SPTA1: variants seen among roughly 807,000 people sequenced by gnomAD.
SPTA1 encodes spectrin alpha chain, erythrocytic 1.
In SPTA1, 177 loss-of-function variants were observed where a neutral mutation model predicts 324.7. That is an observed-to-expected ratio of 0.55 (90% CI 0.48 to 0.62). The LOEUF is 0.62. SPTA1 is among the 20% of genes least tolerant of loss of function. The pLI is 0.00. For synonymous variants in SPTA1, 1,195 were observed against 1,041.3 expected (o/e 1.15, Z -2.84); for missense variants, 3,162 against 2,883.6 (o/e 1.10, Z -2.21).
intron 50 of SPTA1, 106 bp downstream of exon 50, chr1:158,613,615 A>C: frequency 6.5e-7 from 1 of 1,537,110 alleles, no homozygotes; most frequent in South Asian, 1.1e-5. Flanking sequence ...ATTTCTTCCT[A>C]TTTTCAGATG....
At chr1:158,641,637 G>A (rs555847111) in intron 33 of SPTA1, among the ~76,000 whole-genome samples, 14 of 152,258 alleles carry the variant, frequency 9.2e-5, no homozygotes, top group African/African-American at 2.4e-4. Flanking sequence ...TTAGAATGGT[G>A]ATCATTAAAA....
chr1:158,677,709 A>T lies in SPTA1; in HGVS notation c.938T>A (p.Leu313His), dbSNP rs1654487295. ...FHSHKGLERN[L>H]AVMSDKVKEL... ...CATTACCTTGTCACTCATGACAGCAAGATTTCTCTCAAGTCCCTTGTGACT... is the reference window on the plus strand; with the variant it reads ...CATTACCTTGTCACTCATGACAGCATGATTTCTCTCAAGTCCCTTGTGACT... The change falls in exon 7 of 52, where the codon CTT (leucine) becomes CAT (histidine). Residue 313 changes from leucine to histidine, a missense_variant. Leu to His is a moderately conservative substitution (Grantham distance 99). Transcript: ENST00000643759. 1 of 1,613,386 alleles carries T rather than the reference A, an allele frequency of 6.2e-7. No homozygotes were observed. The highest frequency in any genetic ancestry group is 1.3e-5 in the African/African-American group (1 of 74,884).
chr1:158,640,845 T>A (rs931646419), intron 33 of SPTA1, among the ~76,000 whole-genome samples: 6 of 152,114 alleles, frequency 3.9e-5, no homozygotes, highest in African/African-American at 1.4e-4. Flanking sequence ...GAGCCTACAT[T>A]GCCAAGTCAA....
At position 158,649,881 on chromosome 1, in the gene SPTA1, C is replaced by T. The variant is rs768634120; in HGVS notation, c.3544G>A (p.Ala1182Thr). 1.2e-6 allele frequency: 2 copies of T among 1,613,696 alleles called. No individual in the cohort carries two copies. The highest frequency in any genetic ancestry group is 2.7e-5 in the African/African-American group (2 of 74,928). ...ADEQRQLLGSAHAVEVFHREA... is the reference protein window; with the variant it reads ...ADEQRQLLGSTHAVEVFHREA... ...CTGTGAAACACTTCAACAGCATGGG[C>T]ACTGCCCAGCAGCTGCCGCTGTTCA... The change falls in exon 25 of 52, where the codon GCC becomes ACC. Residue 1182 changes from alanine (A) to threonine (T), a missense_variant. Coordinates refer to ENST00000643759, the MANE Select transcript of SPTA1 (RefSeq NM_003126.4).
At chr1:158,635,272 T>A (rs567801804) in intron 38 of SPTA1, among the ~76,000 whole-genome samples, 1 of 152,144 alleles carries the variant, frequency 6.6e-6, no homozygotes, top group East Asian at 1.9e-4. Context: ...AGTGAGTGAG[T>A]TCTTGCAAGA....
At chr1:158,649,747 C>T in intron 25 of SPTA1, 109 bp downstream of exon 25, 1 of 894,584 alleles carries the variant, frequency 1.1e-6, no homozygotes, top group Non-Finnish European at 1.8e-6. Flanking sequence ...GGCACATTGT[C>T]TCCATCTCAC....
rs139147305 is a variant in SPTA1 at position 158,670,369 on chromosome 1, C to T, written c.1600-583G>A. 4.1e-3 allele frequency among the ~76,000 whole-genome samples: 617 copies of T among 152,294 alleles called. 7 individuals are homozygous for T. Among genetic ancestry groups the T allele is most frequent in the African/African-American group, 0.014 (586 of 41,562 alleles). On this transcript the variant is annotated intron_variant, in intron 12 of 51. Coordinates refer to ENST00000643759, the MANE Select transcript of SPTA1 (RefSeq NM_003126.4). ...AAATGATCTAAAATAAATGATAACA[C>T]TTTATAAACAATAAATTATTTTACA...
Position 158,683,521 on chromosome 1 carries a change from TGTCTAATGAAGCACA to T in SPTA1, c.265-40_265-26del, listed in dbSNP as rs779125071. On this transcript the variant is annotated intron_variant, in intron 2 of 51. Transcript: ENST00000643759. ...CCTAAAGTTTAGAAATCAGAGTTTT[TGTCTAATGAAGCACA>T]GTCTTCATGGGAAATGTTCACTCTA... 5.0e-6 allele frequency: 8 copies of T among 1,612,232 alleles called. No homozygotes were observed. The African/African-American group carries it at 8.0e-5, about 16-fold the overall frequency.
intron 41 of SPTA1, 34 bp downstream of exon 41, chr1:158,626,805 A>C (rs770927599): frequency 6.2e-7 from 1 of 1,613,022 alleles, no homozygotes; most frequent in Non-Finnish European, 8.5e-7. Flanking sequence ...AGGGTTTCTC[A>C]AACCCAAGGG....
At chr1:158,667,737 G>C in intron 15 of SPTA1, 121 bp downstream of exon 15, 2 of 1,038,986 alleles carry the variant, frequency 1.9e-6, no homozygotes, top group African/African-American at 1.6e-5. Context: ...AAGACACATG[G>C]AAGCAAATGA....
chr1:158,618,428 C>T (rs942206589), intron 45 of SPTA1, among the ~76,000 whole-genome samples: 2 of 152,132 alleles, frequency 1.3e-5, no homozygotes, highest in Non-Finnish European at 1.5e-5. Flanking sequence ...GTTCATTTAT[C>T]GTTGTCAGTG....
chr1:158,638,355 G>T, intron 35 of SPTA1, 114 bp from the exon 36 acceptor site: 1 of 1,057,518 alleles, frequency 9.5e-7, no homozygotes, highest in Non-Finnish European at 1.4e-6. Context: ...TGCTTTTAAA[G>T]ACATGGAGTT....
Position 158,644,378 on chromosome 1 carries a change from C to G in SPTA1, c.4213G>C (p.Asp1405His). ...LELQMFQGNCDQVESWMVARE... is the reference protein window; with the variant it reads ...LELQMFQGNCHQVESWMVARE... ...GCCACCATCCAGCTCTCAACTTGATCACAGTTCCCCTGGAACATCTATGAG... is the reference window on the plus strand; with the variant it reads ...GCCACCATCCAGCTCTCAACTTGATGACAGTTCCCCTGGAACATCTATGAG... Residue 1405 changes from aspartate (D) to histidine (H), a missense_variant, in exon 30 of 52, where the codon GAT (aspartate) becomes CAT (histidine). By Grantham distance (81) the Asp-to-His change is moderately conservative. Transcript: ENST00000643759. 2 of 1,613,822 alleles carry G rather than the reference C, an allele frequency of 1.2e-6. No homozygotes were observed. The highest frequency in any genetic ancestry group is 1.7e-6 in the Non-Finnish European group (2 of 1,179,846).
chr1:158,626,076 T>C (rs1416319111), intron 42 of SPTA1, 70 bp downstream of exon 42: 3 of 1,414,858 alleles, frequency 2.1e-6, no homozygotes, highest in Admixed American at 1.7e-5. Flanking sequence ...AATTCAGAAA[T>C]AAATAATCAT....
At chr1:158,666,891 T>C (rs1653640428) in intron 15 of SPTA1, among the ~76,000 whole-genome samples, 1 of 152,208 alleles carries the variant, frequency 6.6e-6, no homozygotes, top group Admixed American at 6.5e-5. Context: ...TTGAAATTTA[T>C]AAGTTTCTTT....
In SPTA1 at chr1:158,681,660, A is replaced by C. The variant is rs751087249; in HGVS notation, c.398T>G (p.Ile133Arg). ...GTCCCACAGGTGGCGTAGCTCCTCTATATGGGCCTTTAGGAAAGAGGGGCA... is the reference window on the plus strand; with the variant it reads ...GTCCCACAGGTGGCGTAGCTCCTCTCTATGGGCCTTTAGGAAAGAGGGGCA... ...HSAHEETKAH[I>R]EELRHLWDLL... Residue 133 changes from isoleucine (I) to arginine (R), a missense_variant, in exon 4 of 52, where the codon ATA becomes AGA. Physicochemically the swap from Ile to Arg is moderately conservative, Grantham distance 97. Coordinates refer to ENST00000643759, the MANE Select transcript of SPTA1 (RefSeq NM_003126.4). 6.2e-7 allele frequency: 1 copy of C among 1,613,600 alleles called. No individual in the cohort carries two copies. The highest frequency in any genetic ancestry group is 1.1e-5 in the South Asian group (1 of 91,068).
chr1:158,653,499 A>C, intron 21 of SPTA1, 74 bp from the exon 22 acceptor site: 5 of 1,599,274 alleles, frequency 3.1e-6, no homozygotes, highest in East Asian at 2.2e-5. Flanking sequence ...TTCAACACTA[A>C]GTCTCTTGGC....
chr1:158,632,435 A>T (rs765087616), intron 39 of SPTA1, among the ~76,000 whole-genome samples: 3 of 151,634 alleles, frequency 2.0e-5, no homozygotes, highest in Non-Finnish European at 4.4e-5. Flanking sequence ...AGTAGATCTC[A>T]TGTTCAGTGT....
chr1:158,612,322 G>T, intron 51 of SPTA1: 1 of 197,416 alleles, frequency 5.1e-6, no homozygotes, highest in Non-Finnish European at 1.0e-5. Context: ...TTTAAGGAGA[G>T]GAATGAAGAA....
Sources: allele counts gnomAD v4.1 joint callset (sites outside exome capture counted in the v4.1 genomes callset), GRCh38; gene constraint gnomAD v4.1.1; transcripts MANE v1.5; gene names NCBI Gene and HGNC (gene_info 2026-07-23, HGNC 2026-07-21).